HEATR4: variants seen among roughly 807,000 people sequenced by gnomAD.
HEATR4 encodes the protein HEAT repeat containing 4, also known as HEAT repeat-containing protein 4.
HEATR4 carries 95 observed loss-of-function variants against 108.8 expected under a neutral mutation model. The observed-to-expected ratio is 0.87, with a 90% CI of 0.74 to 1.04. The LOEUF (loss-of-function observed/expected upper bound fraction) is 1.04, where lower values mean the gene tolerates loss of function less well. HEATR4 is among the 50% of genes least tolerant of loss of function. The pLI is 0.00. For synonymous variants in HEATR4, 443 were observed against 459.4 expected, an observed-to-expected ratio of 0.96 and a Z score of 0.46; for missense variants, 1,152 against 1,253.8, an observed-to-expected ratio of 0.92 and a Z score of 1.23.
At chr14:73,570,099 G>A in the HEATR4 span, among the ~76,000 whole-genome samples, 1 of 144,420 alleles carries the variant, frequency 6.9e-6, no homozygotes, top group South Asian at 2.3e-4. Flanking sequence ...GGCACTTTGA[G>A]GGGAGTTACA....
chr14:73,603,138 T>C, the HEATR4 span, among the ~76,000 whole-genome samples: 49 of 152,232 alleles, frequency 3.2e-4, no homozygotes, highest in Admixed American at 5.2e-4. Flanking sequence ...GGTACAAATA[T>C]GGTCTGACTC....
chr14:73,516,705 T>C, intron 5 of HEATR4, among the ~76,000 whole-genome samples: 1 of 152,028 alleles, frequency 6.6e-6, no homozygotes, highest in Admixed American at 6.6e-5. Context: ...CAACAGGATG[T>C]GAGTGGTGGG....
At chr14:73,590,721 C>T in the HEATR4 span, among the ~76,000 whole-genome samples, 3 of 151,776 alleles carry the variant, frequency 2.0e-5, no homozygotes, top group African/African-American at 7.2e-5. Context: ...GCCGGCCGGC[C>T]GCTCCAAGTG....
chr14:73,610,521 C>T, the HEATR4 span, among the ~76,000 whole-genome samples: 1 of 152,054 alleles, frequency 6.6e-6, no homozygotes, highest in Non-Finnish European at 1.5e-5. Flanking sequence ...AAACTCCTGA[C>T]CCCAAGTCAT....
chr14:73,478,842 G>C lies in HEATR4; in HGVS notation c.2845C>G (p.Pro949Ala). Residue 949 changes from proline (P) to alanine (A), a missense_variant and splice_region_variant, in exon 18 of 18, where the codon CCT (proline) becomes GCT (alanine). Transcript: ENST00000553558. The part of the protein sequence containing the change: ...EVCDTEAVIK[P>A]VKPRAPNPWL... ...GGATTTGGTGCGCGGGGCTTCACAG[G>C]CTGCAGAGAAACATGAAAACATGAG... 6.3e-7 allele frequency: 1 copy of C among 1,597,368 alleles called. No individual in the cohort carries two copies. The highest frequency in any genetic ancestry group is 8.5e-7 in the Non-Finnish European group (1 of 1,171,066).
chr14:73,542,390 A>G lies in HEATR4; in HGVS notation c.-151-12146T>C, dbSNP rs533971582. Among the ~76,000 whole-genome samples the G allele has an allele frequency of 6.1e-3, 598 of 97,986 alleles. 178 individuals carry two copies. The Middle Eastern group carries it at 0.067, about 11-fold the overall frequency. 64.3% of individuals were successfully genotyped at this position (97,986 alleles called of 152,430 possible). On this transcript the variant is annotated intron_variant, in intron 1 of 17. Transcript: ENST00000553558. ...GTATTATGCAATTTTAAATTCCAGT[A>G]TGTTTTTTCTTTCTTTTTTTTTTTT...
the HEATR4 span, among the ~76,000 whole-genome samples, chr14:73,584,225 C>T: frequency 1.2e-4 from 18 of 151,628 alleles, no homozygotes; most frequent in Admixed American, 7.2e-4. Flanking sequence ...TTAAACGGGG[C>T]TCTTGACCTT....
At chr14:73,613,794 T>C in the HEATR4 span, among the ~76,000 whole-genome samples, 1 of 152,096 alleles carries the variant, frequency 6.6e-6, no homozygotes, top group Non-Finnish European at 1.5e-5. Context: ...TGAGGAACCC[T>C]AGTCTAAGTA....
intron 11 of HEATR4, 144 bp downstream of exon 11, chr14:73,502,751 G>A (rs1205060761): frequency 2.9e-6 from 2 of 679,876 alleles, no homozygotes; most frequent in Admixed American, 2.2e-5. Flanking sequence ...GTTTTACTGT[G>A]TTAGCCAGGA....
At chr14:73,540,703 A>T (rs1335292648) in intron 1 of HEATR4, among the ~76,000 whole-genome samples, 1 of 123,102 alleles carries the variant, frequency 8.1e-6, no homozygotes, top group Non-Finnish European at 1.7e-5. Context: ...TCAGCACTGA[A>T]CTATGTCTTA....
upstream of HEATR4, among the ~76,000 whole-genome samples, chr14:73,561,885 T>C (rs1889535267): frequency 6.6e-6 from 1 of 152,030 alleles, no homozygotes; most frequent in African/African-American, 2.4e-5. Context: ...CTGGGGAGAC[T>C]GAGATGGGAG....
chr14:73,559,579 A>G (rs1156607321), upstream of HEATR4, among the ~76,000 whole-genome samples: 1 of 151,784 alleles, frequency 6.6e-6, no homozygotes, highest in Non-Finnish European at 1.5e-5. Flanking sequence ...AAAATAGAAA[A>G]TTTAAAAAGA....
the HEATR4 span, among the ~76,000 whole-genome samples, chr14:73,577,977 A>G: frequency 6.6e-6 from 1 of 151,738 alleles, no homozygotes; most frequent in Non-Finnish European, 1.5e-5. Context: ...CAGCCTCCCA[A>G]GTAGCTGGGA....
At chr14:73,593,716 C>T in the HEATR4 span, 1 of 1,611,626 alleles carries the variant, frequency 6.2e-7, no homozygotes, top group Non-Finnish European at 8.5e-7. Flanking sequence ...TGGACCCTTC[C>T]CAGGGATCAT....
At chr14:73,622,395 C>T in the HEATR4 span, among the ~76,000 whole-genome samples, 1 of 152,068 alleles carries the variant, frequency 6.6e-6, no homozygotes, top group Non-Finnish European at 1.5e-5. Context: ...TGTATGTGGC[C>T]ACCTGTCTCC....
chr14:73,498,761 T>G (rs565598534), intron 13 of HEATR4, among the ~76,000 whole-genome samples: 1 of 152,314 alleles, frequency 6.6e-6, no homozygotes, highest in East Asian at 1.9e-4. Flanking sequence ...GCGTAATAGT[T>G]GAGATCTCCA....
the HEATR4 span, among the ~76,000 whole-genome samples, chr14:73,570,045 C>T: frequency 6.6e-6 from 1 of 151,698 alleles, no homozygotes; most frequent in Non-Finnish European, 1.5e-5. Context: ...CTTCCCGCCT[C>T]TGCCTCCCTA....
At chr14:73,584,881 C>A in the HEATR4 span, among the ~76,000 whole-genome samples, 1 of 151,410 alleles carries the variant, frequency 6.6e-6, no homozygotes, top group African/African-American at 2.4e-5. Context: ...ACCAGTGCAT[C>A]CCACAGCTAT....
At chr14:73,513,929 T>C in intron 6 of HEATR4, 102 bp downstream of exon 6, 2 of 1,230,434 alleles carry the variant, frequency 1.6e-6, no homozygotes, top group Non-Finnish European at 2.4e-6. Context: ...TTTTTACATT[T>C]CACAAAGGAG....
Sources: allele counts gnomAD v4.1 joint callset (sites outside exome capture counted in the v4.1 genomes callset), GRCh38; gene constraint gnomAD v4.1.1; transcripts MANE v1.5; gene names NCBI Gene and HGNC (gene_info 2026-07-23, HGNC 2026-07-21).